The following PPP2R2D variants were observed in gnomAD, a reference collection of about 807,000 sequenced individuals.
The protein encoded by PPP2R2D is serine/threonine-protein phosphatase 2A 55 kDa regulatory subunit B delta isoform.
In PPP2R2D, 9 loss-of-function variants were observed where a neutral mutation model predicts 31.1. That is an observed-to-expected ratio of 0.29 (90% confidence interval 0.17 to 0.51). The LOEUF is 0.51. Ranked by LOEUF, PPP2R2D falls within the 20% of genes least tolerant of loss-of-function variation. PPP2R2D has a pLI of 0.98. For synonymous variants in PPP2R2D, 179 were observed against 172.6 expected (o/e 1.04, Z -0.29); for missense variants, 391 against 465.6 (o/e 0.84, Z 1.48).
At chr10:131,923,127 C>A (rs2036026426) in intron 2 of PPP2R2D, among the ~76,000 whole-genome samples, 1 of 152,154 alleles carries the variant, frequency 6.6e-6, no homozygotes, top group Admixed American at 6.5e-5. Context: ...TAAAAGAAAC[C>A]CACTAGCAGT....
chr10:131,944,108 T>A lies in PPP2R2D; in HGVS notation c.618T>A (p.Ile206=). The change falls in exon 6 of 9, where the codon ATT becomes ATA. Residue 206 remains isoleucine, a synonymous_variant. Coordinates refer to ENST00000455566, the MANE Select transcript of PPP2R2D (RefSeq NM_018461.5). ...ATCTTTCTGCAGATGACCTGAGAATTAATTTATGGCACTTAGAAATCACAG... is the reference window on the plus strand; with the variant it reads ...ATCTTTCTGCAGATGACCTGAGAATAAATTTATGGCACTTAGAAATCACAG... ...ETYLSADDLR[I]NLWHLEITDR... 3.7e-6 allele frequency: 6 copies of A among 1,612,198 alleles called. No homozygotes were observed. The highest frequency in any genetic ancestry group is 5.1e-6 in the Non-Finnish European group (6 of 1,178,880).
chr10:131,913,778 T>G (rs1418087144), intron 2 of PPP2R2D, among the ~76,000 whole-genome samples: 2 of 152,156 alleles, frequency 1.3e-5, no homozygotes, highest in Non-Finnish European at 2.9e-5. Flanking sequence ...GTCAGGAGTT[T>G]AGAGCTCAGA....
At position 131,956,013 on chromosome 10, in the gene PPP2R2D, T is replaced by A; in HGVS notation, c.*50T>A. On this transcript the variant is annotated 3_prime_UTR_variant, in exon 9 of 9. Coordinates refer to ENST00000455566, the MANE Select transcript of PPP2R2D (RefSeq NM_018461.5). ...TTGTCTTGCATAGTTAAGCCGGACA[T>A]TTTTCTGTCAGAGAAAAGGCATCAT... 2 of 1,381,474 alleles carry A rather than the reference T, an allele frequency of 1.4e-6. No homozygotes were observed. The highest frequency in any genetic ancestry group is 4.0e-5 in the South Asian group (2 of 49,544). The allele number at this position is 1,381,474 out of a possible 1,614,324, so 85.6% of individuals were successfully genotyped here. A position where few individuals can be genotyped will look rare whatever the true frequency, so the allele number is the denominator to read the frequency against.
Position 131,945,166 on chromosome 10 carries a change from A to G in PPP2R2D, c.656-129A>G, listed in dbSNP as rs913587092. Reference sequence around the variant, plus strand: ...CCTTTGGAATTCGGGATGTGTAACCAGCCTTCTTAATAGCTAATCCCTTAA... The same window carrying G: ...CCTTTGGAATTCGGGATGTGTAACCGGCCTTCTTAATAGCTAATCCCTTAA... On this transcript the variant is annotated intron_variant, in intron 6 of 8. Coordinates refer to ENST00000455566, the MANE Select transcript of PPP2R2D (RefSeq NM_018461.5). The surrounding 1 kb of genome is among the most constrained non-coding windows in gnomAD (Gnocchi z 4.8). 2.8e-6 allele frequency: 3 copies of G among 1,089,188 alleles called. No homozygotes were observed. Among genetic ancestry groups the G allele is most frequent in the African/African-American group, 1.6e-5 (1 of 62,656 alleles). 67.5% of individuals were successfully genotyped at this position (1,089,188 alleles called of 1,614,324 possible).
intron 2 of PPP2R2D, among the ~76,000 whole-genome samples, chr10:131,932,646 CAAAAA>C (rs368610703): frequency 1.0e-4 from 6 of 57,860 alleles, no homozygotes; most frequent in African/African-American, 2.1e-4. Flanking sequence ...CAGCCTGTCT[CAAAAA>C]AAAAAAAAAA....
At chr10:131,929,909 C>A (rs1447095502) in intron 2 of PPP2R2D, among the ~76,000 whole-genome samples, 5 of 152,280 alleles carry the variant, frequency 3.3e-5, no homozygotes, top group Admixed American at 3.3e-4. Context: ...GAGGCCGCCC[C>A]GGTTGTAACT....
At position 131,956,029 on chromosome 10, in the gene PPP2R2D, A is replaced by G; in HGVS notation, c.*66A>G. On this transcript the variant is annotated 3_prime_UTR_variant, in exon 9 of 9. Coordinates refer to ENST00000455566, the MANE Select transcript of PPP2R2D (RefSeq NM_018461.5). ...AGCCGGACATTTTTCTGTCAGAGAA[A>G]AGGCATCATTGTCCGCTCCATTAAG... 7.3e-7 allele frequency: 1 copy of G among 1,376,814 alleles called. No homozygotes were observed. Among genetic ancestry groups the G allele is most frequent in the Non-Finnish European group, 9.5e-7 (1 of 1,057,014 alleles). The allele number at this position is 1,376,814 out of a possible 1,614,324, so 85.3% of individuals were successfully genotyped here.
intron 2 of PPP2R2D, among the ~76,000 whole-genome samples, chr10:131,910,928 G>A (rs2035672307): frequency 6.6e-6 from 1 of 152,186 alleles, no homozygotes; most frequent in Non-Finnish European, 1.5e-5. Context: ...AGATGTTTCT[G>A]GAGGGGGGCC....
chr10:131,949,678 T>C (rs1393830750), intron 8 of PPP2R2D, among the ~76,000 whole-genome samples: 2 of 152,062 alleles, frequency 1.3e-5, no homozygotes, highest in African/African-American at 4.8e-5. Context: ...ACATGACCGC[T>C]AAACGTGACC....
chr10:131,938,016 G>A (rs1589949934), intron 3 of PPP2R2D, among the ~76,000 whole-genome samples: 1 of 151,392 alleles, frequency 6.6e-6, no homozygotes, highest in South Asian at 2.1e-4. Flanking sequence ...AGGGGCAGGC[G>A]AGGCACTCAG....
the PPP2R2D span, chr10:131,968,676 T>G: frequency 1.7e-5 from 16 of 946,556 alleles, no homozygotes; most frequent in Non-Finnish European, 2.5e-5. Flanking sequence ...GCAAGGGGAC[T>G]GGTGATTTTA....
At chr10:131,905,760 C>T (rs901966019) in intron 2 of PPP2R2D, among the ~76,000 whole-genome samples, 2,948 of 152,300 alleles carry the variant, frequency 0.019, 102 homozygotes, top group African/African-American at 0.067. Context: ...TTTGGAGCCA[C>T]GCCGACTGGC....
intron 2 of PPP2R2D, among the ~76,000 whole-genome samples, chr10:131,926,089 C>G (rs953632813): frequency 1.3e-5 from 2 of 152,194 alleles, no homozygotes; most frequent in African/African-American, 4.8e-5. Context: ...CCCTTGGGAC[C>G]TTTCCCTGTT....
intron 8 of PPP2R2D, among the ~76,000 whole-genome samples, chr10:131,953,460 G>A (rs113559201): frequency 0.014 from 1,604 of 115,238 alleles, 44 homozygotes; most frequent in African/African-American, 0.053. Context: ...AGGTGTGCGG[G>A]GGTTCACTGT....
chr10:131,928,961 G>A (rs1278368672), intron 2 of PPP2R2D, among the ~76,000 whole-genome samples: 2 of 152,156 alleles, frequency 1.3e-5, no homozygotes, highest in African/African-American at 2.4e-5. Context: ...AATGATGTAC[G>A]TATAAAAGAA....
chr10:131,970,262 CTG>C, the PPP2R2D span: 27,185 of 233,414 alleles, frequency 0.12, 1,954 homozygotes, highest in Non-Finnish European at 0.15. This position sits in a 1 kb window ranked among gnomAD's most constrained non-coding sequence, Gnocchi z 4.1. Flanking sequence ...CAGCAGGTAA[CTG>C]AGACCCTCCA....
intron 5 of PPP2R2D, 158 bp downstream of exon 5, chr10:131,940,852 A>AAAAGCAAGGTCTTC (rs2036429300): frequency 5.7e-6 from 3 of 530,634 alleles, no homozygotes; most frequent in Non-Finnish European, 1.0e-5. Context: ...GTGTGTGTTT[A>AAAAGCAAGGTCTTC]AAAGCAAGGT....
At chr10:131,942,784 A>G (rs1176952513) in intron 5 of PPP2R2D, among the ~76,000 whole-genome samples, 1 of 152,214 alleles carries the variant, frequency 6.6e-6, no homozygotes, top group Non-Finnish European at 1.5e-5. Context: ...TGCAGCTATC[A>G]TATGTTTTGA....
chr10:131,954,747 C>T (rs1334734148), intron 8 of PPP2R2D, among the ~76,000 whole-genome samples: 2 of 152,012 alleles, frequency 1.3e-5, no homozygotes, highest in African/African-American at 4.8e-5. Flanking sequence ...CCGCTTCTTT[C>T]TCATGGCACC....
Sources: gnomAD v4.1 joint callset for allele counts (sites outside exome capture counted in the v4.1 genomes callset) on GRCh38, gnomAD v4.1.1 for gene constraint, Gnocchi (gnomAD v3.1) non-coding constraint, MANE v1.5 for transcripts, NCBI Gene and HGNC (gene_info 2026-07-23, HGNC 2026-07-21) for gene names.